The following TXK variants were observed in gnomAD, a reference collection of about 807,000 sequenced individuals.
TXK encodes tyrosine-protein kinase TXK.
TXK carries 60 observed loss-of-function variants against 81.0 expected under a neutral mutation model. The ratio of observed to expected loss-of-function variants is 0.74; its 90% CI spans 0.60 to 0.92. The LOEUF (loss-of-function observed/expected upper bound fraction) is 0.92. Ranked by LOEUF, TXK falls within the 40% of genes least tolerant of loss-of-function variation. TXK has a pLI of 0.00. For synonymous variants in TXK, 203 were observed against 210.7 expected (o/e 0.96, Z 0.32); for missense variants, 581 against 638.3 (o/e 0.91, Z 0.97).
At chr4:48,086,402 C>T (rs6833403) in intron 10 of TXK, 64 bp downstream of exon 10, 530,775 of 1,551,640 alleles carry the variant, frequency 0.34, 95,288 homozygotes, top group East Asian at 0.69. Flanking sequence ...GCCTCCAAAG[C>T]TCATGTTGTT....
Position 48,112,293 on chromosome 4 carries a change from T to C in TXK, c.380+14A>G, listed in dbSNP as rs745823091. On this transcript the variant is annotated intron_variant, in intron 4 of 14. Coordinates refer to ENST00000264316, the MANE Select transcript of TXK (RefSeq NM_003328.3). ...GAAGAATTGGATACTGACTAAGTCA[T>C]GTAAGTGTCTTACCCCAAACGGTCT... The C allele has an allele frequency of 2.5e-6, 4 of 1,611,602 alleles. No homozygotes were observed. In the African/African-American group the frequency reaches 5.3e-5, roughly 22 times the overall value.
intron 10 of TXK, among the ~76,000 whole-genome samples, chr4:48,081,345 C>A (rs919417095): frequency 1.3e-5 from 2 of 152,050 alleles, no homozygotes. Flanking sequence ...ATAAGGCAAA[C>A]CTTTATCAGA....
chr4:48,128,335 T>C (rs775960163), intron 1 of TXK, among the ~76,000 whole-genome samples: 17 of 152,064 alleles, frequency 1.1e-4, no homozygotes, highest in Non-Finnish European at 2.4e-4. Context: ...CGCTCCAGGT[T>C]GTGGTTTTAA....
chr4:48,094,973 C>A (rs1225547254), intron 7 of TXK, among the ~76,000 whole-genome samples, 170 bp downstream of exon 7: 1 of 152,190 alleles, frequency 6.6e-6, no homozygotes, highest in African/African-American at 2.4e-5. Flanking sequence ...GGTTAAGAAA[C>A]TTATGCAATG....
intron 1 of TXK, among the ~76,000 whole-genome samples, chr4:48,123,340 T>C (rs1719006768): frequency 6.6e-6 from 1 of 152,184 alleles, no homozygotes; most frequent in African/African-American, 2.4e-5. Flanking sequence ...CTGTCTTACC[T>C]TTTCCCCAAC....
intron 6 of TXK, among the ~76,000 whole-genome samples, chr4:48,100,367 A>G (rs1293606137): frequency 2.0e-5 from 3 of 152,182 alleles, no homozygotes; most frequent in Admixed American, 1.3e-4. Flanking sequence ...AAAAACATCA[A>G]AAACCCAATA....
In TXK at chr4:48,076,453, C is replaced by G; in HGVS notation, c.1187G>C (p.Cys396Ser). 1 of 1,612,376 alleles carries G rather than the reference C, an allele frequency of 6.2e-7. No homozygotes were observed. The highest frequency in any genetic ancestry group is 8.5e-7 in the Non-Finnish European group (1 of 1,179,494). ...TACTATGCATGTTGAACTGACCAAA[C>G]AATTCCTTGCCGCCTATGGAAAGAA... is the stretch of plus-strand genomic sequence containing the variant. Reference protein sequence around the residue: ...YIHRDLAARNCLVSSTCIVKI... With the variant: ...YIHRDLAARNSLVSSTCIVKI... Residue 396 changes from cysteine to serine, a missense_variant, in exon 12 of 15, where the codon TGT (cysteine) becomes TCT (serine). By Grantham distance (112) the Cys-to-Ser change is moderately radical. Transcript: ENST00000264316.
intron 1 of TXK, among the ~76,000 whole-genome samples, chr4:48,130,918 T>G (rs1719232844): frequency 6.6e-6 from 1 of 152,106 alleles, no homozygotes; most frequent in Admixed American, 6.5e-5. Context: ...CAGGCATGCT[T>G]CAGGCACACC....
At chr4:48,099,698 T>C (rs984961749) in intron 6 of TXK, among the ~76,000 whole-genome samples, 1 of 152,174 alleles carries the variant, frequency 6.6e-6, no homozygotes, top group Non-Finnish European at 1.5e-5. Context: ...AGTAGTCCTC[T>C]ATGAGGACTG....
rs772266078 is a variant in TXK, at chr4:48,071,536, A to G, written c.1496T>C (p.Met499Thr). Residue 499 changes from methionine (M) to threonine (T), a missense_variant, in exon 14 of 15, where the codon ATG (methionine) becomes ACG (threonine). By Grantham distance (81) the Met-to-Thr change is moderately conservative. Transcript: ENST00000264316. Reference sequence around the variant, plus strand: ...GCTTACCTCATGCCAGCAGCTGTACATGACTTCATATATGGACATTGGTGC... The same window carrying G: ...GCTTACCTCATGCCAGCAGCTGTACGTGACTTCATATATGGACATTGGTGC... ...HLAPMSIYEV[M>T]YSCWHEKPEG... The G allele has an allele frequency of 6.2e-7, 1 of 1,613,894 alleles. No homozygotes were observed. Among genetic ancestry groups the G allele is most frequent in the African/African-American group, 1.3e-5 (1 of 74,926 alleles).
In TXK at chr4:48,071,691, A is replaced by T. The variant is rs773598248; in HGVS notation, c.1358-17T>A. ...TTAAAACTCCTGCAAACAAAAATGC[A>T]GGAAAACAAGGGGTTAGAGAGAAAT... is the stretch of plus-strand genomic sequence containing the variant. On this transcript the variant is annotated splice_polypyrimidine_tract_variant and intron_variant, in intron 13 of 14. Coordinates refer to ENST00000264316, the MANE Select transcript of TXK (RefSeq NM_003328.3). 7.4e-6 allele frequency: 12 copies of T among 1,612,642 alleles called. No individual in the cohort carries two copies. Among genetic ancestry groups the T allele is most frequent in the Non-Finnish European group, 6.8e-6 (8 of 1,179,498 alleles).
At chr4:48,087,370 G>A (rs1717574063) in intron 9 of TXK, among the ~76,000 whole-genome samples, 1 of 151,984 alleles carries the variant, frequency 6.6e-6, no homozygotes, top group South Asian at 2.1e-4. Context: ...AAATCTGATA[G>A]TCCCTTCTAC....
chr4:48,093,157 C>T (rs375449145), intron 8 of TXK, among the ~76,000 whole-genome samples: 47 of 152,222 alleles, frequency 3.1e-4, no homozygotes, highest in African/African-American at 4.6e-4. Flanking sequence ...GATATTTTAC[C>T]CTCACTCCTT....
At chr4:48,096,669 C>G (rs1171509149) in intron 6 of TXK, among the ~76,000 whole-genome samples, 2 of 152,254 alleles carry the variant, frequency 1.3e-5, no homozygotes, top group East Asian at 3.9e-4. Context: ...GCTGGAATTA[C>G]AGGCACATGC....
rs1172226175 is a variant in TXK, at chr4:48,094,314, C to A, written c.582-110G>T. 4.9e-6 allele frequency: 6 copies of A among 1,226,622 alleles called. No homozygotes were observed. In the African/African-American group the frequency reaches 7.6e-5, roughly 15 times the overall value. 76.0% of individuals were successfully genotyped at this position (1,226,622 alleles called of 1,614,324 possible). ...TCTAAAACTCATCCTAGCAACACTA[C>A]ACTGAGAAGTAGATTGGCTAAATTC... On this transcript the variant is annotated intron_variant, in intron 7 of 14. Transcript: ENST00000264316.
chr4:48,073,091 ATTTTT>A (rs33919573), intron 13 of TXK, among the ~76,000 whole-genome samples: 4 of 136,958 alleles, frequency 2.9e-5, no homozygotes, highest in African/African-American at 1.1e-4. Flanking sequence ...CACCTGGCTA[ATTTTT>A]TTTTTTTTTT....
chr4:48,074,158 C>A (rs558816383), intron 12 of TXK, 105 bp from the exon 13 acceptor site: 2 of 850,618 alleles, frequency 2.4e-6, no homozygotes, highest in South Asian at 3.5e-5. Flanking sequence ...AAGTATTTTA[C>A]CCCAGAAAGG....
At chr4:48,128,154 G>A (rs1191177540) in intron 1 of TXK, among the ~76,000 whole-genome samples, 1 of 152,224 alleles carries the variant, frequency 6.6e-6, no homozygotes, top group Non-Finnish European at 1.5e-5. Context: ...CATTTCCGAT[G>A]TCAGGGTTTC....
At chr4:48,115,625 T>C (rs573752387) in intron 1 of TXK, among the ~76,000 whole-genome samples, 1 of 152,214 alleles carries the variant, frequency 6.6e-6, no homozygotes, top group African/African-American at 2.4e-5. Context: ...AGCAGGCAGA[T>C]CGCTTGAGCC....
Sources: allele counts gnomAD v4.1 joint callset (sites outside exome capture counted in the v4.1 genomes callset), GRCh38; gene constraint gnomAD v4.1.1; transcripts MANE v1.5; gene names NCBI Gene and HGNC (gene_info 2026-07-23, HGNC 2026-07-21).